The following RPSA variants were observed in gnomAD, a reference collection of about 807,000 sequenced individuals.
RPSA encodes ribosomal protein SA, also known as small ribosomal subunit protein uS2.
For synonymous variants in RPSA, 103 were observed against 126.7 expected, an observed-to-expected ratio of 0.81 and a Z score of 1.25; for missense variants, 140 against 372.8, an observed-to-expected ratio of 0.38 and a Z score of 5.14.
chr3:39,407,899 G>C, intron 2 of RPSA, 113 bp downstream of exon 2: 1 of 751,604 alleles, frequency 1.3e-6, no homozygotes, highest in East Asian at 2.7e-5. Context: ...AATGAAGCCA[G>C]ACCCCTACGT....
intron 3 of RPSA, among the ~76,000 whole-genome samples, chr3:39,409,777 T>TA: frequency 6.6e-6 from 1 of 152,136 alleles, no homozygotes; most frequent in Non-Finnish European, 1.5e-5. Flanking sequence ...GGGGCTGCAG[T>TA]AAGTTATGAT....
At chr3:39,407,880 TCTTC>T (rs2041942031) in intron 2 of RPSA, 94 bp downstream of exon 2, 1 of 973,096 alleles carries the variant, frequency 1.0e-6, no homozygotes, top group African/African-American at 1.6e-5. Context: ...TTTCTTTCTA[TCTTC>T]CTTAAATGAA....
intron 3 of RPSA, chr3:39,409,084 C>CAAAA: frequency 1.3e-5 from 1 of 75,668 alleles, no homozygotes; most frequent in Admixed American, 1.3e-4. Flanking sequence ...GACTCTGTCT[C>CAAAA]AAAAAAAAAA....
intron 1 of RPSA, chr3:39,407,079 G>C (rs765631319): frequency 2.2e-6 from 1 of 450,220 alleles, no homozygotes; most frequent in South Asian, 1.6e-5. Context: ...AGTCCCACAC[G>C]GCGGTGAGTC....
intron 2 of RPSA, 56 bp downstream of exon 2, chr3:39,407,842 T>TG (rs1465896872): frequency 4.1e-6 from 6 of 1,474,062 alleles, no homozygotes; most frequent in Non-Finnish European, 5.6e-6. Context: ...ATTTTGAGCT[T>TG]GCTATTCTCG....
intron 6 of RPSA, 46 bp from the exon 7 acceptor site, chr3:39,412,228 A>G (rs1431885576): frequency 1.4e-6 from 2 of 1,470,944 alleles, no homozygotes; most frequent in South Asian, 1.1e-5. Flanking sequence ...GAAAAATACT[A>G]CATTGAGGAC....
intron 1 of RPSA, 93 bp downstream of exon 1, chr3:39,406,857 C>G: frequency 2.2e-6 from 1 of 456,350 alleles, no homozygotes; most frequent in South Asian, 1.5e-5. Flanking sequence ...GTGATGAAAG[C>G]CGGTCAGACT....
Position 39,408,599 on chromosome 3 carries a change from C to T in RPSA, c.134-7C>T. On this transcript the variant is annotated splice_region_variant and splice_polypyrimidine_tract_variant and intron_variant, in intron 2 of 6. Transcript: ENST00000301821. ...CAAGTGTTACAAATCCTTCTGCCCT[C>T]ACTTAGGCATCTATATCATAAATCT... The T allele has an allele frequency of 1.4e-6, 2 of 1,462,118 alleles. No homozygotes were observed. The highest frequency in any genetic ancestry group is 1.9e-6 in the Non-Finnish European group (2 of 1,041,296). The allele number at this position is 1,462,118 out of a possible 1,614,324, so 90.6% of individuals were successfully genotyped here.
intron 4 of RPSA, 98 bp downstream of exon 4, chr3:39,411,097 G>A (rs1425680932): frequency 4.1e-6 from 6 of 1,462,320 alleles, no homozygotes; most frequent in East Asian, 4.5e-5. Context: ...CTGACTGGCC[G>A]ATGAACTCGC....
At chr3:39,411,216 C>T in intron 4 of RPSA, 1 of 747,156 alleles carries the variant, frequency 1.3e-6, no homozygotes, top group Non-Finnish European at 2.5e-6. Flanking sequence ...TATAACATTA[C>T]TGCATGACAG....
chr3:39,407,735 A>C lies in RPSA; in HGVS notation c.82A>C (p.Thr28Pro). Residue 28 changes from threonine (T) to proline (P), a missense_variant, in exon 2 of 7, where the codon ACC (threonine) becomes CCC (proline). Physicochemically the swap from Thr to Pro is conservative, Grantham distance 38. Transcript: ENST00000301821. ...TGCAGCAGGAACCCACTTAGGTGGC[A>C]CCAATCTTGACTTCCAGATGGAACA... is the stretch of plus-strand genomic sequence containing the variant. ...FLAAGTHLGGTNLDFQMEQYI... is the reference protein window; with the variant it reads ...FLAAGTHLGGPNLDFQMEQYI... 1.3e-6 allele frequency: 2 copies of C among 1,596,804 alleles called. No homozygotes were observed. Among genetic ancestry groups the C allele is most frequent in the Non-Finnish European group, 1.7e-6 (2 of 1,178,296 alleles).
intron 3 of RPSA, among the ~76,000 whole-genome samples, chr3:39,409,618 C>T (rs986219895): frequency 1.3e-5 from 2 of 152,180 alleles, no homozygotes; most frequent in Non-Finnish European, 2.9e-5. Context: ...TGGCTTATCA[C>T]ATTTTCCCAT....
Position 39,407,635 on chromosome 3 carries a change from T to G in RPSA, c.-19T>G, listed in dbSNP as rs1262472043. On this transcript the variant is annotated 5_prime_UTR_variant, in exon 2 of 7. Transcript: ENST00000301821. ...TCTTATTTCAGATTCCCGTCGTAAC[T>G]TAAAGGGAAATTTTCACAATGTCCG... 5.0e-6 allele frequency: 8 copies of G among 1,593,242 alleles called. No homozygotes were observed. The highest frequency in any genetic ancestry group is 6.8e-6 in the Non-Finnish European group (8 of 1,175,546).
At position 39,412,505 on chromosome 3, in the gene RPSA, T is replaced by G; in HGVS notation, c.*137T>G. 1 of 613,314 alleles carries G rather than the reference T, an allele frequency of 1.6e-6. No homozygotes were observed. 38.0% of individuals were successfully genotyped at this position (613,314 alleles called of 1,614,324 possible). A position where few individuals can be genotyped will look rare whatever the true frequency, so the allele number is the denominator to read the frequency against. On this transcript the variant is annotated 3_prime_UTR_variant, in exon 7 of 7. Coordinates refer to ENST00000301821, the MANE Select transcript of RPSA (RefSeq NM_002295.6). ...CCTGGGATTGCATATCAAAGCATAA[T>G]AATAAATACATGTCTCGACATGAGT...
intron 1 of RPSA, 123 bp from the exon 2 acceptor site, chr3:39,407,498 C>G: frequency 2.6e-6 from 2 of 767,070 alleles, no homozygotes; most frequent in Non-Finnish European, 4.6e-6. Flanking sequence ...TTTCTGTTTA[C>G]CCTTCACTAC....
intron 6 of RPSA, 91 bp downstream of exon 6, chr3:39,412,152 G>C: frequency 7.1e-7 from 1 of 1,417,264 alleles, no homozygotes. Context: ...TTTTATACTA[G>C]CTTTAAGAGG....
At chr3:39,408,949 G>A (rs1396636049) in intron 3 of RPSA, 2 of 458,584 alleles carry the variant, frequency 4.4e-6, no homozygotes, top group African/African-American at 4.0e-5. Flanking sequence ...AGTTGGGCGT[G>A]GGGGCGGGTG....
chr3:39,412,238 C>A, intron 6 of RPSA, 36 bp from the exon 7 acceptor site: 1 of 1,515,856 alleles, frequency 6.6e-7, no homozygotes, highest in African/African-American at 1.4e-5. Context: ...ACATTGAGGA[C>A]AGAGCTGATG....
chr3:39,408,451 A>G lies in RPSA; in HGVS notation c.134-155A>G, dbSNP rs779206833. 15 of 775,020 alleles carry G rather than the reference A, an allele frequency of 1.9e-5. No homozygotes were observed. The South Asian group carries it at 2.0e-4, about 11-fold the overall frequency. 48.0% of individuals were successfully genotyped at this position (775,020 alleles called of 1,614,324 possible). A position where few individuals can be genotyped will look rare whatever the true frequency, so the allele number is the denominator to read the frequency against. The stretch of plus-strand genomic sequence containing the variant: ...TGGCTCATGAACTTCTGAGTGTCGG[A>G]AGTGTGCTATATCAATGGCAGGATT... On this transcript the variant is annotated intron_variant, in intron 2 of 6. Coordinates refer to ENST00000301821, the MANE Select transcript of RPSA (RefSeq NM_002295.6).
Sources: gnomAD v4.1 joint callset for allele counts (sites outside exome capture counted in the v4.1 genomes callset) on GRCh38, gnomAD v4.1.1 for gene constraint, MANE v1.5 for transcripts, NCBI Gene and HGNC (gene_info 2026-07-23, HGNC 2026-07-21) for gene names.